The following SLC38A4 variants were observed in gnomAD, a reference collection of about 807,000 sequenced individuals.
SLC38A4 encodes sodium-coupled neutral amino acid transporter 4.
In SLC38A4, 20 loss-of-function variants were observed where a neutral mutation model predicts 63.1. That is an observed-to-expected ratio of 0.32 (90% CI 0.22 to 0.46). SLC38A4 has a LOEUF of 0.46. SLC38A4 is among the 20% of genes least tolerant of loss of function. The pLI is 1.00. For synonymous variants in SLC38A4, 230 were observed against 225.5 expected, an observed-to-expected ratio of 1.02 and a Z score of -0.18; for missense variants, 526 against 663.6, an observed-to-expected ratio of 0.79 and a Z score of 2.28.
At chr12:46,829,243 G>T (rs1253720947), upstream of SLC38A4, among the ~76,000 whole-genome samples, 1 of 152,038 alleles carries the variant, frequency 6.6e-6, no homozygotes, top group Non-Finnish European at 1.5e-5. Context: ...CCTTTCACTT[G>T]TCCCTCCCCT....
intron 7 of SLC38A4, among the ~76,000 whole-genome samples, chr12:46,783,943 A>T (rs1398133168): frequency 2.6e-5 from 4 of 151,676 alleles, no homozygotes; most frequent in African/African-American, 4.8e-5. Context: ...CATTGTTAAA[A>T]ATATATATAT....
intron 1 of SLC38A4, among the ~76,000 whole-genome samples, chr12:46,811,388 A>G (rs913531699): frequency 6.6e-6 from 1 of 151,940 alleles, no homozygotes; most frequent in Non-Finnish European, 1.5e-5. Flanking sequence ...TGAAAGAACA[A>G]ATAGAAGTTG....
chr12:46,781,911 G>C (rs1264394473), intron 7 of SLC38A4, among the ~76,000 whole-genome samples: 1 of 151,972 alleles, frequency 6.6e-6, no homozygotes, highest in Non-Finnish European at 1.5e-5. Context: ...CCTATGAAAT[G>C]CTCGATACTT....
Position 46,793,199 on chromosome 12 carries a change from A to G in SLC38A4, c.-112-16T>C, listed in dbSNP as rs1938926556. The G allele has an allele frequency of 5.1e-6, 3 of 590,974 alleles. No homozygotes were observed. In the East Asian group the frequency reaches 8.4e-5, roughly 17 times the overall value. 36.6% of individuals were successfully genotyped at this position (590,974 alleles called of 1,614,324 possible). ...ACACTCTGTTCTGCAAACAGAACAC[A>G]ACATACATCATTATAATTTTATTTA... On this transcript the variant is annotated splice_polypyrimidine_tract_variant and intron_variant, in intron 2 of 16. Transcript: ENST00000266579.
At chr12:46,766,824 TTAGGA>T in intron 16 of SLC38A4, 22 bp from the exon 17 acceptor site, 2 of 1,524,072 alleles carry the variant, frequency 1.3e-6, no homozygotes, top group Non-Finnish European at 9.1e-7. Context: ...AGAGACTCTG[TTAGGA>T]GCACAGAAAC....
At chr12:46,792,886 A>T in intron 3 of SLC38A4, 67 bp downstream of exon 3, 1 of 1,133,924 alleles carries the variant, frequency 8.8e-7, no homozygotes, top group Non-Finnish European at 1.3e-6. Flanking sequence ...TCCCATCAAG[A>T]CCCTGTTTTC....
At chr12:46,816,581 C>T (rs1310450372) in intron 1 of SLC38A4, among the ~76,000 whole-genome samples, 2 of 151,852 alleles carry the variant, frequency 1.3e-5, no homozygotes, top group Non-Finnish European at 2.9e-5. Context: ...ATTAGGCCTT[C>T]TTTCGGCCTC....
At chr12:46,798,711 C>T (rs1207846822) in intron 2 of SLC38A4, among the ~76,000 whole-genome samples, 1 of 152,148 alleles carries the variant, frequency 6.6e-6, no homozygotes, top group African/African-American at 2.4e-5. Context: ...ATCAAACACT[C>T]ATATGGCACT....
At chr12:46,824,824 C>T (rs1046850948) in intron 1 of SLC38A4, among the ~76,000 whole-genome samples, 1 of 152,182 alleles carries the variant, frequency 6.6e-6, no homozygotes, top group Non-Finnish European at 1.5e-5. Context: ...GGAAGTTCTG[C>T]ATCTTGACAG....
intron 1 of SLC38A4, among the ~76,000 whole-genome samples, chr12:46,818,073 A>C (rs577373428): frequency 1.3e-5 from 2 of 151,920 alleles, no homozygotes; most frequent in South Asian, 4.1e-4. Flanking sequence ...TTTGACTTTC[A>C]TCTTGGGAAA....
chr12:46,780,174 A>G (rs1938610720), intron 7 of SLC38A4, 144 bp from the exon 8 acceptor site: 1 of 649,838 alleles, frequency 1.5e-6, no homozygotes, highest in African/African-American at 1.8e-5. Flanking sequence ...ACTGCTTCCA[A>G]GTTCTCTTCC....
chr12:46,775,087 C>G lies in SLC38A4; in HGVS notation c.1261G>C (p.Val421Leu). Reference protein sequence around the residue: ...PLLMVRLAVLVAVTLTVPIVL... With the variant: ...PLLMVRLAVLLAVTLTVPIVL... ...ATGGGCACAGTTAGTGTTACTGCCA[C>G]AAGGACTGCCAGGCGAACCATGAGA... The change falls in exon 14 of 17, where the codon GTG (valine) becomes CTG (leucine). Residue 421 changes from valine (V) to leucine (L), a missense_variant. Physicochemically the swap from Val to Leu is conservative, Grantham distance 32. Transcript: ENST00000266579. 6.2e-7 allele frequency: 1 copy of G among 1,612,830 alleles called. No individual in the cohort carries two copies. The highest frequency in any genetic ancestry group is 8.5e-7 in the Non-Finnish European group (1 of 1,179,142).
chr12:46,787,843 A>G, intron 5 of SLC38A4, 73 bp downstream of exon 5: 1 of 1,066,156 alleles, frequency 9.4e-7, no homozygotes, highest in South Asian at 1.5e-5. Context: ...ATCAAACTTG[A>G]GATTGTTAAT....
chr12:46,818,061 C>CT (rs1939475296), intron 1 of SLC38A4, among the ~76,000 whole-genome samples: 1 of 151,756 alleles, frequency 6.6e-6, no homozygotes, highest in Non-Finnish European at 1.5e-5. Context: ...TAAAAGTTTG[C>CT]TTTTGACTTT....
chr12:46,789,906 G>T (rs1249897179), intron 3 of SLC38A4, among the ~76,000 whole-genome samples: 1 of 151,938 alleles, frequency 6.6e-6, no homozygotes, highest in Non-Finnish European at 1.5e-5. Context: ...GTGAAACTTC[G>T]TCTCTACTAG....
At chr12:46,787,459 C>T (rs1057241120) in intron 5 of SLC38A4, among the ~76,000 whole-genome samples, 5 of 152,018 alleles carry the variant, frequency 3.3e-5, no homozygotes, top group African/African-American at 1.2e-4. Context: ...GGTTCCAAGA[C>T]CATGTGCAAA....
chr12:46,791,103 T>C (rs1355030452), intron 3 of SLC38A4, among the ~76,000 whole-genome samples: 1 of 152,162 alleles, frequency 6.6e-6, no homozygotes, highest in Non-Finnish European at 1.5e-5. Context: ...CCCCTTTAAC[T>C]CTGTCAACCT....
intron 7 of SLC38A4, among the ~76,000 whole-genome samples, chr12:46,780,661 T>C (rs1938620499): frequency 6.6e-6 from 1 of 151,876 alleles, no homozygotes; most frequent in East Asian, 1.9e-4. Flanking sequence ...AGGAATTATA[T>C]AAAGTGGCAA....
intron 3 of SLC38A4, among the ~76,000 whole-genome samples, chr12:46,789,623 C>T (rs368934982): frequency 1.3e-3 from 197 of 152,298 alleles, no homozygotes; most frequent in African/African-American, 4.4e-3. Flanking sequence ...CATTTTTATA[C>T]TGCAAAATGT....
Sources: allele counts gnomAD v4.1 joint callset (sites outside exome capture counted in the v4.1 genomes callset), GRCh38; gene constraint gnomAD v4.1.1; transcripts MANE v1.5; gene names NCBI Gene and HGNC (gene_info 2026-07-23, HGNC 2026-07-21).